The following DYNC1I1 variants were observed in gnomAD, a reference collection of about 807,000 sequenced individuals.
DYNC1I1 encodes dynein cytoplasmic 1 intermediate chain 1.
In DYNC1I1, 43 loss-of-function variants were observed where a neutral mutation model predicts 86.6. The ratio of observed to expected loss-of-function variants is 0.50; its 90% CI spans 0.39 to 0.64. The LOEUF (loss-of-function observed/expected upper bound fraction) is 0.64. Ranked by LOEUF, DYNC1I1 falls within the 30% of genes least tolerant of loss-of-function variation. The pLI is 0.00. For missense variants in DYNC1I1, 604 were observed against 788.8 expected (o/e 0.77, Z 2.81); for synonymous variants, 262 against 283.7 (o/e 0.92, Z 0.77).
At chr7:95,860,422 A>T (rs967963287) in intron 5 of DYNC1I1, among the ~76,000 whole-genome samples, 1 of 152,230 alleles carries the variant, frequency 6.6e-6, no homozygotes, top group African/African-American at 2.4e-5. Context: ...ATTTTAGAGT[A>T]CTAGGAAAAT....
At chr7:95,952,770 C>G (rs542027953) in intron 6 of DYNC1I1, among the ~76,000 whole-genome samples, 3 of 152,238 alleles carry the variant, frequency 2.0e-5, no homozygotes, top group African/African-American at 7.2e-5. Flanking sequence ...TTTTACTTTA[C>G]CATCCTGCTC....
chr7:96,046,829 A>G (rs1041310752), intron 14 of DYNC1I1, among the ~76,000 whole-genome samples: 1 of 152,182 alleles, frequency 6.6e-6, no homozygotes, highest in Non-Finnish European at 1.5e-5. Flanking sequence ...CCAGTGACTG[A>G]GACAGGACAT....
intron 6 of DYNC1I1, among the ~76,000 whole-genome samples, chr7:95,926,948 T>C (rs753577589): frequency 6.6e-6 from 1 of 152,182 alleles, no homozygotes; most frequent in Non-Finnish European, 1.5e-5. Context: ...GTTTTTTCAT[T>C]TGTTAAGGTG....
intron 1 of DYNC1I1, among the ~76,000 whole-genome samples, chr7:95,780,388 C>T (rs1166108924): frequency 6.6e-6 from 1 of 151,690 alleles, no homozygotes. Flanking sequence ...CTGCCTCAGC[C>T]TCCCGAGTAG....
chr7:95,852,252 A>G (rs1789598387), intron 5 of DYNC1I1, among the ~76,000 whole-genome samples: 1 of 152,022 alleles, frequency 6.6e-6, no homozygotes, highest in Admixed American at 6.6e-5. Context: ...GTAGATGTCA[A>G]GGAATTTATC....
In DYNC1I1 at chr7:96,097,712, G is replaced by GCC; in HGVS notation, c.*120_*121dup. ...TCAGTATTGCTGTGATATTTTGGGT[G>GCC]CCATATTGTGCCAGCTTTGCTCCAA... On this transcript the variant is annotated 3_prime_UTR_variant, in exon 17 of 17. Transcript: ENST00000447467. The GCC allele has an allele frequency of 6.9e-7, 1 of 1,439,186 alleles. No individual in the cohort carries two copies. The highest frequency in any genetic ancestry group is 9.2e-7 in the Non-Finnish European group (1 of 1,086,472). 89.2% of individuals were successfully genotyped at this position (1,439,186 alleles called of 1,614,324 possible). A position where few individuals can be genotyped will look rare whatever the true frequency, so the allele number is the denominator to read the frequency against.
At chr7:95,884,744 G>A (rs1336291149) in intron 6 of DYNC1I1, among the ~76,000 whole-genome samples, 1 of 151,278 alleles carries the variant, frequency 6.6e-6, no homozygotes, top group Non-Finnish European at 1.5e-5. Flanking sequence ...GACCTGCCTG[G>A]GCAATATAGC....
intron 6 of DYNC1I1, among the ~76,000 whole-genome samples, chr7:95,911,635 T>C (rs1791338729): frequency 6.6e-6 from 1 of 152,128 alleles, no homozygotes; most frequent in African/African-American, 2.4e-5. Flanking sequence ...GCAGTGATTC[T>C]CAAATTTGAG....
chr7:95,862,929 T>G (rs1789925922), intron 5 of DYNC1I1, among the ~76,000 whole-genome samples: 1 of 152,222 alleles, frequency 6.6e-6, no homozygotes, highest in South Asian at 2.1e-4. Context: ...AATGTAAATG[T>G]TACATAAATT....
At chr7:95,904,658 C>T (rs1041099112) in intron 6 of DYNC1I1, among the ~76,000 whole-genome samples, 3 of 151,920 alleles carry the variant, frequency 2.0e-5, no homozygotes, top group Admixed American at 2.0e-4. Flanking sequence ...TACACATGCA[C>T]ACATACACAC....
At chr7:96,018,699 AG>A (rs1489638611) in intron 10 of DYNC1I1, among the ~76,000 whole-genome samples, 3 of 152,150 alleles carry the variant, frequency 2.0e-5, no homozygotes, top group Non-Finnish European at 4.4e-5. Context: ...TTCTGTGGGG[AG>A]GAGAAACAAG....
intron 4 of DYNC1I1, 78 bp from the exon 5 acceptor site, chr7:95,827,979 G>T: frequency 6.8e-7 from 1 of 1,462,868 alleles, no homozygotes; most frequent in Non-Finnish European, 9.6e-7. Flanking sequence ...CTTGATGAAT[G>T]ACATAGTTTG....
intron 6 of DYNC1I1, among the ~76,000 whole-genome samples, chr7:95,927,731 G>C (rs75066345): frequency 1.3e-5 from 2 of 152,082 alleles, no homozygotes; most frequent in East Asian, 3.9e-4. Context: ...CAATCTAACC[G>C]TTAGTTTGAA....
At chr7:95,909,783 G>A (rs1286490378) in intron 6 of DYNC1I1, among the ~76,000 whole-genome samples, 2 of 152,112 alleles carry the variant, frequency 1.3e-5, no homozygotes, top group African/African-American at 4.8e-5. Context: ...GCCTCTTCGA[G>A]CTTGGCAGTG....
chr7:96,044,674 T>C (rs1301135115), intron 14 of DYNC1I1, among the ~76,000 whole-genome samples: 2 of 152,078 alleles, frequency 1.3e-5, no homozygotes, highest in Non-Finnish European at 2.9e-5. Context: ...GATGGGATCA[T>C]GTGTGTGTCC....
intron 6 of DYNC1I1, among the ~76,000 whole-genome samples, chr7:95,916,771 G>A (rs1368493891): frequency 1.3e-5 from 2 of 152,120 alleles, no homozygotes; most frequent in African/African-American, 2.4e-5. Context: ...GGCCAGTAGA[G>A]GGCGCTGCTG....
chr7:95,852,583 T>G (rs1398375870), intron 5 of DYNC1I1, among the ~76,000 whole-genome samples: 1 of 152,106 alleles, frequency 6.6e-6, no homozygotes, highest in Non-Finnish European at 1.5e-5. Flanking sequence ...CTTGGCTCAC[T>G]GCAACCTCTG....
intron 6 of DYNC1I1, among the ~76,000 whole-genome samples, chr7:95,944,900 T>C (rs1477488040): frequency 4.2e-4 from 63 of 149,382 alleles, no homozygotes; most frequent in East Asian, 4.0e-4. Context: ...GGAGGGATAG[T>C]TTTAGGAGAT....
intron 16 of DYNC1I1, among the ~76,000 whole-genome samples, chr7:96,084,516 G>T (rs42075): frequency 6.7e-6 from 1 of 148,314 alleles, no homozygotes; most frequent in African/African-American, 2.5e-5. Flanking sequence ...TCTGCCTCCC[G>T]GGTTCAAGCA....
Sources: gnomAD v4.1 joint callset for allele counts (sites outside exome capture counted in the v4.1 genomes callset) on GRCh38, gnomAD v4.1.1 for gene constraint, MANE v1.5 for transcripts, NCBI Gene and HGNC (gene_info 2026-07-23, HGNC 2026-07-21) for gene names.